The following PDZD2 variants were observed in gnomAD, a reference collection of about 807,000 sequenced individuals.
PDZD2 encodes PDZ domain-containing protein 2.
Under a neutral mutation model 220.7 loss-of-function variants are expected in PDZD2, and 90 were observed. The ratio of observed to expected loss-of-function variants is 0.41; its 90% CI spans 0.34 to 0.49. PDZD2 has a LOEUF of 0.49. PDZD2 is among the 20% of genes least tolerant of loss of function. The probability of loss-of-function intolerance (pLI) is 0.28; values close to 1 mark genes in which losing one functional copy is unlikely to be tolerated. For synonymous variants in PDZD2, 1,375 were observed against 1,450.5 expected (o/e 0.95, Z 1.18); for missense variants, 3,174 against 3,608.5 (o/e 0.88, Z 3.08).
chr5:31,983,842 C>A (rs1484540610), intron 3 of PDZD2, among the ~76,000 whole-genome samples, 186 bp downstream of exon 3: 1 of 152,098 alleles, frequency 6.6e-6, no homozygotes, highest in African/African-American at 2.4e-5. Flanking sequence ...GAGAAGCCAA[C>A]AAATGCATTA....
chr5:31,890,524 G>C (rs1324498050), intron 2 of PDZD2, among the ~76,000 whole-genome samples: 1 of 152,118 alleles, frequency 6.6e-6, no homozygotes, highest in East Asian at 1.9e-4. Context: ...AATAAAAACA[G>C]CCGAGCCGGG....
At chr5:31,953,901 G>T (rs188673587) in intron 2 of PDZD2, among the ~76,000 whole-genome samples, 129 of 151,980 alleles carry the variant, frequency 8.5e-4, no homozygotes, top group Middle Eastern at 3.4e-3. Flanking sequence ...CGCCCACCTC[G>T]GCCTCCCAAA....
chr5:31,711,342 AG>A (rs57704250), intron 1 of PDZD2, among the ~76,000 whole-genome samples: 1 of 152,186 alleles, frequency 6.6e-6, no homozygotes, highest in African/African-American at 2.4e-5. Context: ...TATGTGTGAC[AG>A]GGGATGGGAA....
At chr5:31,710,656 A>G (rs549282867) in intron 1 of PDZD2, among the ~76,000 whole-genome samples, 27 of 152,240 alleles carry the variant, frequency 1.8e-4, no homozygotes, top group African/African-American at 6.3e-4. Context: ...TGTCTCTACT[A>G]AAAATACAAA....
chr5:31,883,007 G>A (rs1359381493), intron 2 of PDZD2, among the ~76,000 whole-genome samples: 1 of 128,856 alleles, frequency 7.8e-6, no homozygotes, highest in African/African-American at 3.1e-5. Context: ...TCCATCCTGG[G>A]TGACAGACTC....
chr5:31,770,748 C>T (rs1752292563), intron 1 of PDZD2, among the ~76,000 whole-genome samples: 1 of 151,934 alleles, frequency 6.6e-6, no homozygotes, highest in Admixed American at 6.6e-5. Context: ...CAGAGGGATG[C>T]TTTATGTGCA....
intron 1 of PDZD2, among the ~76,000 whole-genome samples, chr5:31,765,350 G>A (rs1751938422): frequency 6.6e-6 from 1 of 152,146 alleles, no homozygotes; most frequent in South Asian, 2.1e-4. Flanking sequence ...CTTCCCTCTA[G>A]TTTGCAGCCT....
chr5:31,745,508 A>G lies in PDZD2; in HGVS notation c.-360-53381A>G, dbSNP rs552269662. ...AAGCTCTCACACACGCCCTGGAGAG[A>G]CATCCTTGCCCAGGTCTCACTAACT... On this transcript the variant is annotated intron_variant, in intron 1 of 24. Coordinates refer to ENST00000438447, the MANE Select transcript of PDZD2 (RefSeq NM_178140.4). Among the ~76,000 whole-genome samples, 6 of 152,320 alleles carry G rather than the reference A, an allele frequency of 3.9e-5. No homozygotes were observed. In the East Asian group the frequency reaches 7.7e-4, roughly 20 times the overall value.
intron 1 of PDZD2, among the ~76,000 whole-genome samples, chr5:31,664,046 T>C (rs1648280171): frequency 6.6e-6 from 1 of 152,250 alleles, no homozygotes; most frequent in Non-Finnish European, 1.5e-5. Flanking sequence ...GCGGTGATGA[T>C]ATAGAGGGGT....
intron 1 of PDZD2, among the ~76,000 whole-genome samples, chr5:31,796,302 G>A (rs1321761255): frequency 6.6e-6 from 1 of 152,164 alleles, no homozygotes; most frequent in Non-Finnish European, 1.5e-5. Context: ...TAGGGCGAGG[G>A]CAGCAATGCA....
intron 3 of PDZD2, among the ~76,000 whole-genome samples, chr5:31,987,398 C>T (rs879369258): frequency 6.6e-6 from 1 of 152,212 alleles, no homozygotes; most frequent in Non-Finnish European, 1.5e-5. Flanking sequence ...CTTCCTGGAT[C>T]TGCATCTGCA....
rs776997168 is a variant in PDZD2 at position 32,101,181 on chromosome 5, TG to T, written c.8300del (p.Gly2767GlufsTer5). On this transcript the variant is annotated frameshift_variant, in exon 24 of 25. Coordinates refer to ENST00000438447, the MANE Select transcript of PDZD2 (RefSeq NM_178140.4). LOFTEE classifies it high-confidence loss of function. ...TSAGLGLSLDGGKSSVTGDGP... is the reference protein window; with the variant it reads ...TSAGLGLSLDXGKSSVTGDGP... Reference sequence around the variant, plus strand: ...CGGCTGGGCTGGGACTGAGTCTGGATGGGGGAAAATCATCGGTGACGGGAGA... The same window carrying T: ...CGGCTGGGCTGGGACTGAGTCTGGATGGGGAAAATCATCGGTGACGGGAGA... 5.3e-5 allele frequency: 86 copies of T among 1,613,936 alleles called. No homozygotes were observed. The highest frequency in any genetic ancestry group is 7.1e-5 in the Non-Finnish European group (84 of 1,179,972).
chr5:31,676,880 C>T (rs6869938), intron 1 of PDZD2, among the ~76,000 whole-genome samples: 51,727 of 151,788 alleles, frequency 0.34, 9,333 homozygotes, highest in Non-Finnish European at 0.41. Context: ...AGTGACTCGT[C>T]TAAGGCATAC....
chr5:32,064,024 G>A (rs554988113), intron 14 of PDZD2, among the ~76,000 whole-genome samples: 53 of 152,236 alleles, frequency 3.5e-4, no homozygotes, highest in Admixed American at 6.5e-4. Flanking sequence ...CAGCATCAGC[G>A]TCACACTCTT....
intron 2 of PDZD2, among the ~76,000 whole-genome samples, chr5:31,976,055 C>T (rs1749740404): frequency 6.6e-6 from 1 of 151,930 alleles, no homozygotes; most frequent in Admixed American, 6.6e-5. Flanking sequence ...AAAAAAATTC[C>T]ACCTTGAGTC....
At chr5:31,686,564 G>A (rs931383780) in intron 1 of PDZD2, among the ~76,000 whole-genome samples, 5 of 151,938 alleles carry the variant, frequency 3.3e-5, no homozygotes, top group South Asian at 4.2e-4. Flanking sequence ...ACAGGGTTTC[G>A]CCATGTTGGC....
chr5:32,061,550 CTTTAAG>C (rs1426057015), intron 14 of PDZD2, among the ~76,000 whole-genome samples: 8 of 152,154 alleles, frequency 5.3e-5, no homozygotes, highest in Non-Finnish European at 1.0e-4. Context: ...ATTCTCTCAT[CTTTAAG>C]TTTAATGTTG....
chr5:32,008,719 A>G (rs1470261212), intron 5 of PDZD2, among the ~76,000 whole-genome samples: 5 of 152,156 alleles, frequency 3.3e-5, no homozygotes, highest in East Asian at 1.9e-4. Flanking sequence ...GGTGGGAGCA[A>G]TTCTCAGACA....
intron 1 of PDZD2, among the ~76,000 whole-genome samples, chr5:31,713,029 G>A (rs1748218855): frequency 6.6e-6 from 1 of 152,210 alleles, no homozygotes; most frequent in Non-Finnish European, 1.5e-5. Context: ...GGACCACAGT[G>A]TTGAGAAGGA....
Sources: allele counts gnomAD v4.1 joint callset (sites outside exome capture counted in the v4.1 genomes callset), GRCh38; gene constraint gnomAD v4.1.1; transcripts MANE v1.5; gene names NCBI Gene and HGNC (gene_info 2026-07-23, HGNC 2026-07-21).